WDR45B: variants seen among roughly 807,000 people sequenced by gnomAD.
WDR45B encodes the protein WD repeat domain 45B.
In WDR45B, 20 loss-of-function variants were observed where a neutral mutation model predicts 44.6. That is an observed-to-expected ratio of 0.45 (90% CI 0.32 to 0.65). The LOEUF (loss-of-function observed/expected upper bound fraction) is 0.65, where lower values mean the gene tolerates loss of function less well. WDR45B is among the 30% of genes least tolerant of loss of function. The probability of loss-of-function intolerance (pLI) is 0.05; values close to 1 mark genes in which losing one functional copy is unlikely to be tolerated. For synonymous variants in WDR45B, 169 were observed against 164.9 expected (o/e 1.02, Z -0.19); for missense variants, 323 against 430.2 (o/e 0.75, Z 2.20).
chr17:82,619,222 A>G (rs538522536), intron 6 of WDR45B, 94 bp from the exon 7 acceptor site: 17 of 1,201,356 alleles, frequency 1.4e-5, no homozygotes, highest in Admixed American at 7.3e-5. Context: ...ATTAGTCCAC[A>G]CAAGCCTTTC....
chr17:82,616,384 C>T lies in WDR45B; in HGVS notation c.928+140G>A, dbSNP rs893125607. The T allele has an allele frequency of 2.9e-6, 4 of 1,366,950 alleles. No homozygotes were observed. In the African/African-American group the frequency reaches 5.7e-5, roughly 20 times the overall value. 84.7% of individuals were successfully genotyped at this position (1,366,950 alleles called of 1,614,324 possible). On this transcript the variant is annotated intron_variant, in intron 9 of 9. Coordinates refer to ENST00000392325, the MANE Select transcript of WDR45B (RefSeq NM_019613.4). ...CCGTAAGCGGGACACACTGAGCCCA[C>T]AGGAGAAATAAGGGGAACTGGGCGG...
At chr17:82,637,706 C>T (rs760387538) in intron 2 of WDR45B, among the ~76,000 whole-genome samples, 24 of 152,152 alleles carry the variant, frequency 1.6e-4, no homozygotes, top group Non-Finnish European at 3.1e-4. Flanking sequence ...AAGAATATTA[C>T]AAAGGATACA....
intron 4 of WDR45B, 87 bp downstream of exon 4, chr17:82,627,117 A>AT: frequency 9.0e-7 from 1 of 1,112,978 alleles, no homozygotes; most frequent in Non-Finnish European, 1.4e-6. Flanking sequence ...TTTCCTAAAC[A>AT]TTTTTCTGCC....
intron 2 of WDR45B, among the ~76,000 whole-genome samples, chr17:82,638,214 A>AGGGAGGGGAG (rs2045862238): frequency 4.0e-5 from 1 of 24,738 alleles, no homozygotes; most frequent in African/African-American, 2.6e-4. Flanking sequence ...GGGGAGGGAA[A>AGGGAGGGGAG]GGGAGGGGAG....
chr17:82,646,678 G>C (rs2045982973), intron 1 of WDR45B, among the ~76,000 whole-genome samples: 2 of 151,992 alleles, frequency 1.3e-5, no homozygotes, highest in Admixed American at 6.6e-5. Context: ...TGTGTAGTTT[G>C]GAAAATTCAT....
intron 3 of WDR45B, among the ~76,000 whole-genome samples, chr17:82,628,724 G>C (rs1336798531): frequency 6.6e-6 from 1 of 151,448 alleles, no homozygotes; most frequent in East Asian, 2.0e-4. Flanking sequence ...ACACAGCTGG[G>C]TGTGATGGCT....
intron 6 of WDR45B, among the ~76,000 whole-genome samples, chr17:82,619,425 C>G (rs1281277756): frequency 6.6e-6 from 1 of 152,098 alleles, no homozygotes; most frequent in Non-Finnish European, 1.5e-5. Context: ...CTGGCTGAGA[C>G]CCAGGAGGAA....
At chr17:82,639,534 C>T (rs925129836) in intron 2 of WDR45B, among the ~76,000 whole-genome samples, 2 of 152,088 alleles carry the variant, frequency 1.3e-5, no homozygotes, top group Admixed American at 6.5e-5. Flanking sequence ...CCGCAGGAAC[C>T]ACCTGCTACC....
chr17:82,643,723 A>C (rs1287298966), intron 2 of WDR45B, among the ~76,000 whole-genome samples: 1 of 152,212 alleles, frequency 6.6e-6, no homozygotes, highest in Admixed American at 6.5e-5. Context: ...ATAATTCACT[A>C]GAGAAATCAG....
chr17:82,636,196 G>C (rs542520447), intron 2 of WDR45B, among the ~76,000 whole-genome samples: 3 of 150,226 alleles, frequency 2.0e-5, no homozygotes, highest in Non-Finnish European at 4.4e-5. Flanking sequence ...GGCAGGTGGA[G>C]GTTGCAGTGA....
intron 4 of WDR45B, among the ~76,000 whole-genome samples, chr17:82,626,448 G>C (rs2143293504): frequency 7.0e-6 from 1 of 142,712 alleles, no homozygotes; most frequent in Non-Finnish European, 1.5e-5. Flanking sequence ...GGCAGGAATT[G>C]CTTGAACCCG....
intron 3 of WDR45B, 142 bp from the exon 4 acceptor site, chr17:82,627,433 G>A (rs1011580488): frequency 1.4e-5 from 10 of 726,708 alleles, no homozygotes; most frequent in African/African-American, 7.0e-5. Flanking sequence ...ACACACACCC[G>A]CACCTGGGAG....
chr17:82,647,403 T>C (rs2045992435), intron 1 of WDR45B, among the ~76,000 whole-genome samples: 1 of 152,020 alleles, frequency 6.6e-6, no homozygotes, highest in African/African-American at 2.4e-5. Context: ...GCCCTTCAAA[T>C]GGGAGGTGAG....
chr17:82,646,488 C>CAAAAA (rs779661551), intron 1 of WDR45B, among the ~76,000 whole-genome samples: 23 of 19,922 alleles, frequency 1.2e-3, no homozygotes, highest in East Asian at 0.01. Flanking sequence ...AACTCCGTCT[C>CAAAAA]AAAAAAAAAA....
rs746532120 is a variant in WDR45B, at chr17:82,617,298, G to C, written c.804C>G (p.Ser268=). The change falls in exon 8 of 10, where the codon TCC becomes TCG. Residue 268 remains serine (S), a splice_region_variant and synonymous_variant. Coordinates refer to ENST00000392325, the MANE Select transcript of WDR45B (RefSeq NM_019613.4). ...AAEDPKRNKQ[S]SLASASFLPK... ...CCAGCAGGCATCCTAACACCTACCT[G>C]GACTGTTTATTCCTTTTTGGATCTT... 1.9e-6 allele frequency: 3 copies of C among 1,612,760 alleles called. No homozygotes were observed. In the South Asian group the frequency reaches 3.3e-5, roughly 18 times the overall value.
intron 1 of WDR45B, among the ~76,000 whole-genome samples, chr17:82,647,963 T>G (rs2046002360): frequency 7.1e-6 from 1 of 140,154 alleles, no homozygotes; most frequent in Non-Finnish European, 1.6e-5. Flanking sequence ...AGGCTGGGGT[T>G]CTGTGCCGTC....
chr17:82,644,658 G>A (rs1269351722), intron 1 of WDR45B: 2 of 159,300 alleles, frequency 1.3e-5, no homozygotes, highest in Admixed American at 1.2e-4. Flanking sequence ...ACTTAAGTGC[G>A]TAGATGATCG....
Position 82,619,027 on chromosome 17 carries a change from T to C in WDR45B, c.704+16A>G, listed in dbSNP as rs200769096. 3.2e-4 allele frequency: 509 copies of C among 1,613,500 alleles called. No homozygotes were observed. Among genetic ancestry groups the C allele is most frequent in the Non-Finnish European group, 4.1e-4 (485 of 1,179,500 alleles). On this transcript the variant is annotated intron_variant, in intron 7 of 9. Coordinates refer to ENST00000392325, the MANE Select transcript of WDR45B (RefSeq NM_019613.4). Reference sequence around the variant, plus strand: ...AGCCCGAAGTTCTTCTCCGGTGAAGTTGGAGGTGCCCTTACCAGTAAATAT... The same window carrying C: ...AGCCCGAAGTTCTTCTCCGGTGAAGCTGGAGGTGCCCTTACCAGTAAATAT...
intron 4 of WDR45B, 151 bp from the exon 5 acceptor site, chr17:82,625,634 G>GT (rs2045685910): frequency 1.3e-6 from 1 of 791,178 alleles, no homozygotes; most frequent in African/African-American, 1.7e-5. Context: ...GAGGCAGGTA[G>GT]CCAGCGCCAG....
Sources: gnomAD v4.1 joint callset for allele counts (sites outside exome capture counted in the v4.1 genomes callset) on GRCh38, gnomAD v4.1.1 for gene constraint, MANE v1.5 for transcripts, NCBI Gene and HGNC (gene_info 2026-07-23, HGNC 2026-07-21) for gene names.